The following HMGN5 variants were observed in gnomAD, a reference collection of about 807,000 sequenced individuals.
The protein encoded by HMGN5 is high mobility group nucleosome binding domain 5.
In HMGN5, 4 loss-of-function variants were observed where a neutral mutation model predicts 9.5. That is an observed-to-expected ratio of 0.42 (90% confidence interval 0.21 to 0.96). The LOEUF is 0.96. Ranked by LOEUF, HMGN5 falls within the 40% of genes least tolerant of loss-of-function variation. The probability of loss-of-function intolerance (pLI) is 0.30; values close to 1 mark genes in which losing one functional copy is unlikely to be tolerated. For synonymous variants in HMGN5, 55 were observed against 57.1 expected (o/e 0.96, Z 0.16); for missense variants, 192 against 187.5 (o/e 1.02, Z -0.14).
intron 1 of HMGN5, among the ~76,000 whole-genome samples, chrX:81,187,033 T>C (rs1237464161): frequency 8.9e-6 from 1 of 112,017 alleles, no homozygotes; most frequent in Non-Finnish European, 1.9e-5. Flanking sequence ...CATTGATTTA[T>C]AGTTTTATTC....
intron 1 of HMGN5, among the ~76,000 whole-genome samples, chrX:81,180,559 G>A (rs2075459613): frequency 8.9e-6 from 1 of 111,846 alleles, no homozygotes; most frequent in African/African-American, 3.3e-5. Context: ...AACGGATGCT[G>A]GAGAGGATAT....
At chrX:81,142,781 G>C (rs746895990) in intron 1 of HMGN5, among the ~76,000 whole-genome samples, 1 of 111,650 alleles carries the variant, frequency 9.0e-6, no homozygotes, top group East Asian at 2.8e-4. Flanking sequence ...ATCACCTGAA[G>C]GTACATATCT....
In HMGN5 at chrX:81,114,541, G is replaced by A; in HGVS notation, c.*108C>T. 4.2e-6 allele frequency: 3 copies of A among 714,958 alleles called. No homozygotes were observed. The highest frequency in any genetic ancestry group is 5.6e-6 in the Non-Finnish European group (3 of 531,275). 58.9% of individuals were successfully genotyped at this position (714,958 alleles called of 1,213,427 possible). ...GAAGATGTTCTGAAATTAAATCAAT[G>A]CTAAAGAAAGGCTGTGTTTATAAAA... On this transcript the variant is annotated 3_prime_UTR_variant, in exon 7 of 7. Transcript: ENST00000358130.
chrX:81,180,526 C>G (rs187526778), intron 1 of HMGN5, among the ~76,000 whole-genome samples: 43 of 111,806 alleles, frequency 3.8e-4, no homozygotes, highest in Non-Finnish European at 6.4e-4. Context: ...GTTAGAATGA[C>G]AATCATTAAA....
chrX:81,119,613 A>T (rs1311817772), intron 3 of HMGN5, among the ~76,000 whole-genome samples, 175 bp downstream of exon 3: 2 of 112,418 alleles, frequency 1.8e-5, no homozygotes, highest in African/African-American at 6.5e-5. Context: ...TGGCAATTTT[A>T]AAAAGTCCTC....
intron 1 of HMGN5, among the ~76,000 whole-genome samples, chrX:81,183,147 A>G (rs752744696): frequency 6.7e-4 from 75 of 112,275 alleles, no homozygotes; most frequent in Non-Finnish European, 1.5e-4. Context: ...TTAAAAGGGA[A>G]GCAAAGCATA....
At chrX:81,127,267 T>G (rs770363719) in intron 1 of HMGN5, among the ~76,000 whole-genome samples, 1 of 111,614 alleles carries the variant, frequency 9.0e-6, no homozygotes, top group African/African-American at 3.2e-5. Context: ...AAACAAGAAT[T>G]CAAGAACTGA....
At position 81,116,070 on chromosome X, in the gene HMGN5, A is replaced by G. The variant is rs1255554911; in HGVS notation, c.267+134T>C. 7.3e-6 allele frequency: 3 copies of G among 412,125 alleles called. No homozygotes were observed. In the East Asian group the frequency reaches 1.2e-4, roughly 17 times the overall value. The allele number at this position is 412,125 out of a possible 1,213,427, so 34.0% of individuals were successfully genotyped here. ...TAAGTTAATTTTATTTTCCTCTTAG[A>G]TACCATTATACTATAGAACCACTGC... On this transcript the variant is annotated intron_variant, in intron 6 of 6. Coordinates refer to ENST00000358130, the MANE Select transcript of HMGN5 (RefSeq NM_030763.3).
At chrX:81,133,321 C>T (rs767912909) in intron 1 of HMGN5, among the ~76,000 whole-genome samples, 2 of 111,232 alleles carry the variant, frequency 1.8e-5, no homozygotes, top group South Asian at 3.7e-4. Context: ...CTACTAAAGA[C>T]GGAAGTACCA....
chrX:81,134,514 A>C (rs184910177), intron 1 of HMGN5, among the ~76,000 whole-genome samples: 1 of 111,321 alleles, frequency 9.0e-6, no homozygotes, highest in Non-Finnish European at 1.9e-5. Flanking sequence ...CATCACCACA[A>C]TAGATTTTAG....
intron 1 of HMGN5, among the ~76,000 whole-genome samples, chrX:81,180,845 G>A (rs937465332): frequency 8.9e-6 from 1 of 111,809 alleles, no homozygotes; most frequent in Admixed American, 9.5e-5. Context: ...TGTGGCACAT[G>A]TACACCATGG....
At chrX:81,162,642 A>C (rs150091170) in intron 1 of HMGN5, among the ~76,000 whole-genome samples, 1 of 111,389 alleles carries the variant, frequency 9.0e-6, no homozygotes, top group East Asian at 2.8e-4. Context: ...TTTTATGTTG[A>C]ATGTGTAGAG....
chrX:81,191,317 A>C (rs2075493648), intron 1 of HMGN5, among the ~76,000 whole-genome samples: 1 of 111,630 alleles, frequency 9.0e-6, no homozygotes, highest in Non-Finnish European at 1.9e-5. Context: ...GTTGAGTAGA[A>C]GAGGTAATAG....
At chrX:81,161,677 G>C (rs2075398015) in intron 1 of HMGN5, among the ~76,000 whole-genome samples, 1 of 110,601 alleles carries the variant, frequency 9.0e-6, no homozygotes, top group South Asian at 3.8e-4. Flanking sequence ...GTTGGTGAGG[G>C]CTTAAAGGAA....
intron 1 of HMGN5, among the ~76,000 whole-genome samples, chrX:81,182,574 G>T (rs2075465996): frequency 8.9e-6 from 1 of 111,801 alleles, no homozygotes; most frequent in Non-Finnish European, 1.9e-5. Flanking sequence ...AGCTTCCTTG[G>T]TCTTGCTCCT....
At chrX:81,154,144 T>C in intron 1 of HMGN5, among the ~76,000 whole-genome samples, 1 of 110,950 alleles carries the variant, frequency 9.0e-6, no homozygotes, top group African/African-American at 3.3e-5. Flanking sequence ...CAAAACAACA[T>C]GGTACTGGCA....
At chrX:81,183,910 T>C (rs775003816) in intron 1 of HMGN5, among the ~76,000 whole-genome samples, 5 of 112,270 alleles carry the variant, frequency 4.5e-5, no homozygotes, top group Non-Finnish European at 9.4e-5. Context: ...AACTAACTTG[T>C]TTTTTATTTT....
intron 1 of HMGN5, among the ~76,000 whole-genome samples, chrX:81,176,900 T>C (rs1281923549): frequency 9.0e-6 from 1 of 110,715 alleles, no homozygotes; most frequent in East Asian, 2.8e-4. Context: ...TAGAAAGACC[T>C]AGAAAGACAG....
intron 1 of HMGN5, among the ~76,000 whole-genome samples, chrX:81,124,749 ATT>A (rs1249091998): frequency 9.0e-6 from 1 of 111,505 alleles, no homozygotes; most frequent in Non-Finnish European, 1.9e-5. Flanking sequence ...TTACTGGACT[ATT>A]TTTTTCTAAG....
Sources: gnomAD v4.1 joint callset for allele counts (sites outside exome capture counted in the v4.1 genomes callset) on GRCh38, gnomAD v4.1.1 for gene constraint, MANE v1.5 for transcripts, NCBI Gene and HGNC (gene_info 2026-07-23, HGNC 2026-07-21) for gene names.